The following INTS11 variants were observed in gnomAD, a reference collection of about 807,000 sequenced individuals.
INTS11 encodes integrator complex subunit 11.
In INTS11, 77 loss-of-function variants were observed where a neutral mutation model predicts 78.6. The observed-to-expected ratio is 0.98, with a 90% CI of 0.81 to 1.18. The LOEUF is 1.18. INTS11 is among the 50% of genes most tolerant of loss of function. INTS11 has a pLI of 0.00. For missense variants in INTS11, 875 were observed against 825.9 expected (o/e 1.06, Z -0.73); for synonymous variants, 441 against 326.9 (o/e 1.35, Z -3.77).
At position 1,312,635 on chromosome 1, in the gene INTS11, C is replaced by T. The variant is rs759048878; in HGVS notation, c.1360G>A (p.Val454Ile). 19 of 1,590,116 alleles carry T rather than the reference C, an allele frequency of 1.2e-5. No homozygotes were observed. Among genetic ancestry groups the T allele is most frequent in the Non-Finnish European group, 1.6e-5 (19 of 1,164,524 alleles). ...TTCAGCAGCCCCAGCGAGATGCCTA[C>T]GGGGATGCTGGGGCTTGTGGGCAGC... ...VTLPTSPSIPVGISLGLLKRE... is the reference protein window; with the variant it reads ...VTLPTSPSIPIGISLGLLKRE... The change falls in exon 13 of 17, where the codon GTA (valine) becomes ATA (isoleucine). Residue 454 changes from valine to isoleucine, a missense_variant. Coordinates refer to ENST00000435064, the MANE Select transcript of INTS11 (RefSeq NM_017871.6).
rs1642528266 is a variant in INTS11 at position 1,315,566 on chromosome 1, G to A, written c.482C>T (p.Ala161Val). The A allele has an allele frequency of 6.2e-7, 1 of 1,612,366 alleles. No individual in the cohort carries two copies. Among genetic ancestry groups the A allele is most frequent in the Non-Finnish European group, 8.5e-7 (1 of 1,179,796 alleles). The change falls in exon 5 of 17, where the codon GCA becomes GTA. Residue 161 changes from alanine to valine, a missense_variant. Physicochemically the swap from Ala to Val is moderately conservative, Grantham distance 64. Coordinates refer to ENST00000435064, the MANE Select transcript of INTS11 (RefSeq NM_017871.6). Reference protein sequence around the residue: ...KAYYAGHVLGAAMFQIKVGSE... With the variant: ...KAYYAGHVLGVAMFQIKVGSE... Reference sequence around the variant, plus strand: ...GCCCACTTTAATCTGGAACATGGCTGCCCCCAGCACGTGGCCTGCATAGTA... The same window carrying A: ...GCCCACTTTAATCTGGAACATGGCTACCCCCAGCACGTGGCCTGCATAGTA...
intron 4 of INTS11, chr1:1,317,541 A>G (rs1203141627): frequency 1.4e-6 from 1 of 714,746 alleles, no homozygotes; most frequent in Admixed American, 6.3e-5. Context: ...GAGTTTCAAG[A>G]GGTTGAACGT....
At position 1,314,175 on chromosome 1, in the gene INTS11, G is replaced by A. The variant is rs764368145; in HGVS notation, c.767+126C>T. ...TCCTGGGGTCACACAGCACACGAGC[G>A]GCCCCCCAGGACAGCAGCAAGCAGG... is the stretch of plus-strand genomic sequence containing the variant. On this transcript the variant is annotated intron_variant, in intron 8 of 16. Transcript: ENST00000435064. The surrounding 1 kb of genome is among the most constrained non-coding windows in gnomAD (Gnocchi z 4.2). 63 of 939,896 alleles carry A rather than the reference G, an allele frequency of 6.7e-5. No individual in the cohort carries two copies. Among genetic ancestry groups the A allele is most frequent in the South Asian group, 6.2e-4 (44 of 70,556 alleles). 58.2% of individuals were successfully genotyped at this position (939,896 alleles called of 1,614,324 possible). A position where few individuals can be genotyped will look rare whatever the true frequency, so the allele number is the denominator to read the frequency against.
At chr1:1,322,943 G>A in intron 1 of INTS11, 2 of 1,351,764 alleles carry the variant, frequency 1.5e-6, no homozygotes, top group South Asian at 1.9e-5. Context: ...GCGGGTAATT[G>A]AAGCCACATG....
chr1:1,318,582 C>T (rs1187233388), intron 4 of INTS11: 5 of 295,978 alleles, frequency 1.7e-5, no homozygotes, highest in East Asian at 1.2e-4. Context: ...CACCTCAACC[C>T]GGGAGGCCGA....
rs1311251120 is a variant in INTS11, at chr1:1,322,849, G to C, written c.28+1732C>G. 3 of 1,118,866 alleles carry C rather than the reference G, an allele frequency of 2.7e-6. No homozygotes were observed. In the East Asian group the frequency reaches 1.7e-4, roughly 64 times the overall value. 69.3% of individuals were successfully genotyped at this position (1,118,866 alleles called of 1,614,324 possible). On this transcript the variant is annotated intron_variant, in intron 1 of 16. Coordinates refer to ENST00000435064, the MANE Select transcript of INTS11 (RefSeq NM_017871.6). ...GGACACGGAGCCCGAGGCAGTCCCT[G>C]GTGCAGGGAAGCGGTGAAACAGGAC...
intron 1 of INTS11, among the ~76,000 whole-genome samples, chr1:1,323,611 A>T (rs1321100923): frequency 1.3e-5 from 2 of 149,044 alleles, no homozygotes; most frequent in African/African-American, 5.0e-5. Flanking sequence ...GGGTCTTGCC[A>T]TGTTGGCTAG....
chr1:1,311,922 G>T lies in INTS11; in HGVS notation c.1740C>A (p.Asp580Glu). The change falls in exon 17 of 17, where the codon GAC (aspartate) becomes GAA (glutamate). Residue 580 changes from aspartate (D) to glutamate (E), a missense_variant and splice_region_variant. Coordinates refer to ENST00000435064, the MANE Select transcript of INTS11 (RefSeq NM_017871.6). The stretch of plus-strand genomic sequence containing the variant: ...ATGTGAGGAAGCTCCCCAGCTCCTC[G>T]TCCTAGGGCAGAGGCAAAAGCATTG... Reference protein sequence around the residue: ...KVLLVSWTYQDEELGSFLTSL... With the variant: ...KVLLVSWTYQEEELGSFLTSL... 1 of 1,578,234 alleles carries T rather than the reference G, an allele frequency of 6.3e-7. No individual in the cohort carries two copies. Among genetic ancestry groups the T allele is most frequent in the Non-Finnish European group, 8.6e-7 (1 of 1,160,430 alleles).
intron 6 of INTS11, 100 bp downstream of exon 6, chr1:1,315,304 A>G (rs1362454018): frequency 3.3e-5 from 47 of 1,421,724 alleles, no homozygotes; most frequent in East Asian, 9.2e-5. Flanking sequence ...CATGGGAGAC[A>G]CTGCCAGGCT....
chr1:1,320,456 C>T lies in INTS11; in HGVS notation c.200G>A (p.Ser67Asn), dbSNP rs759493353. The change falls in exon 3 of 17, where the codon AGC becomes AAC. Residue 67 changes from serine (S) to asparagine (N), a missense_variant and splice_region_variant. Physicochemically the swap from Ser to Asn is conservative, Grantham distance 46. Coordinates refer to ENST00000435064, the MANE Select transcript of INTS11 (RefSeq NM_017871.6). Reference sequence around the variant, plus strand: ...CTCAAGGCCCCCAACAGGAACCCACCTAATGATCACACAGTCCAGGAAGTC... The same window carrying T: ...CTCAAGGCCCCCAACAGGAACCCACTTAATGATCACACAGTCCAGGAAGTC... ...LTDFLDCVII[S>N]HFHLDHCGAL... The T allele has an allele frequency of 1.2e-6, 2 of 1,613,776 alleles. No individual in the cohort carries two copies. Among genetic ancestry groups the T allele is most frequent in the South Asian group, 1.1e-5 (1 of 91,078 alleles).
rs1642522241 is a variant in INTS11 at position 1,315,458 on chromosome 1, G to A, written c.529-20C>T. On this transcript the variant is annotated intron_variant, in intron 5 of 16. Transcript: ENST00000435064. ...ATCACCCTGGTGAACGATCAAGGAT[G>A]CCATGAGGAGGGTGCCTCCCACCCC... 1.2e-6 allele frequency: 2 copies of A among 1,612,980 alleles called. No individual in the cohort carries two copies. The highest frequency in any genetic ancestry group is 1.7e-6 in the Non-Finnish European group (2 of 1,179,898).
chr1:1,319,647 C>T (rs538111292), intron 3 of INTS11, 123 bp from the exon 4 acceptor site: 32 of 653,210 alleles, frequency 4.9e-5, no homozygotes, highest in East Asian at 4.1e-4. Flanking sequence ...TCCCGAGTAC[C>T]GAAGAGTCAG....
chr1:1,317,349 C>T (rs1203182609), intron 4 of INTS11: 2 of 344,030 alleles, frequency 5.8e-6, no homozygotes, highest in Non-Finnish European at 4.1e-6. Flanking sequence ...GAGCTGAGAT[C>T]GCACCACTGC....
chr1:1,317,395 CA>C (rs1285640332), intron 4 of INTS11: 3,175 of 706,190 alleles, frequency 4.5e-3, no homozygotes, highest in Middle Eastern at 5.8e-3. Flanking sequence ...AACTCCATCT[CA>C]AAAAAAAAAG....
rs1206193750 is a variant in INTS11 at position 1,311,872 on chromosome 1, T to A, written c.1790A>T (p.Gln597Leu). Residue 597 changes from glutamine to leucine, a missense_variant, in exon 17 of 17, where the codon CAG (glutamine) becomes CTG (leucine). Physicochemically the swap from Gln to Leu is moderately radical, Grantham distance 113 (BLOSUM62 -2). Coordinates refer to ENST00000435064, the MANE Select transcript of INTS11 (RefSeq NM_017871.6). Reference sequence around the variant, plus strand: ...GAGTTGCCGGCCTCAGCTGGGGGCCTGGGGGAGGCCCTTCTTCAGCAGAGA... The same window carrying A: ...GAGTTGCCGGCCTCAGCTGGGGGCCAGGGGGAGGCCCTTCTTCAGCAGAGA... ...LTSLLKKGLP[Q>L]APS 1 of 1,560,838 alleles carries A rather than the reference T, an allele frequency of 6.4e-7. No individual in the cohort carries two copies. Among genetic ancestry groups the A allele is most frequent in the African/African-American group, 1.4e-5 (1 of 73,124 alleles).
Position 1,311,710 on chromosome 1 carries a change from C to G in INTS11, c.*149G>C. ...TTGTTTCTTCAGCTGCAAACAGCTG[C>G]CTGGGCAGGCAGGTGACACAAGGCC... On this transcript the variant is annotated 3_prime_UTR_variant, in exon 17 of 17. Coordinates refer to ENST00000435064, the MANE Select transcript of INTS11 (RefSeq NM_017871.6). 1.2e-6 allele frequency: 1 copy of G among 826,126 alleles called. No individual in the cohort carries two copies. Among genetic ancestry groups the G allele is most frequent in the South Asian group, 1.6e-5 (1 of 61,762 alleles). The allele number at this position is 826,126 out of a possible 1,614,324, so 51.2% of individuals were successfully genotyped here. A position where few individuals can be genotyped will look rare whatever the true frequency, so the allele number is the denominator to read the frequency against.
Position 1,312,321 on chromosome 1 carries a change from C to T in INTS11, c.1512G>A (p.Leu504=). 3 of 1,554,110 alleles carry T rather than the reference C, an allele frequency of 1.9e-6. No individual in the cohort carries two copies. Among genetic ancestry groups the T allele is most frequent in the Non-Finnish European group, 2.6e-6 (3 of 1,148,870 alleles). Residue 504 remains leucine (L), a synonymous_variant, in exon 15 of 17, where the codon CTG becomes CTA. Transcript: ENST00000435064. ...SSEQALKELG[L]AEHQLRFTCR... ...AGGTGAAGCGCAGCTGGTGCTCAGC[C>T]AGACCCAGCTCTTTGAGGGCTTGCT...
chr1:1,314,780 C>G lies in INTS11; in HGVS notation c.702+44G>C. ...AGCCAAGCCTGCCAGAAAGACCAGCCCAGCATGGCCGAGGGCCCATGTCCC... is the reference window on the plus strand; with the variant it reads ...AGCCAAGCCTGCCAGAAAGACCAGCGCAGCATGGCCGAGGGCCCATGTCCC... On this transcript the variant is annotated intron_variant, in intron 7 of 16. Coordinates refer to ENST00000435064, the MANE Select transcript of INTS11 (RefSeq NM_017871.6). The surrounding 1 kb of genome is among the most constrained non-coding windows in gnomAD (Gnocchi z 4.2). 4 of 1,585,680 alleles carry G rather than the reference C, an allele frequency of 2.5e-6. No individual in the cohort carries two copies. Among genetic ancestry groups the G allele is most frequent in the African/African-American group, 2.7e-5 (2 of 74,704 alleles).
chr1:1,312,207 G>GGGGT lies in INTS11; in HGVS notation c.1607+18_1607+19insACCC. 1 of 1,151,086 alleles carries GGGGT rather than the reference G, an allele frequency of 8.7e-7. No individual in the cohort carries two copies. The highest frequency in any genetic ancestry group is 1.2e-6 in the Non-Finnish European group (1 of 820,454). 71.3% of individuals were successfully genotyped at this position (1,151,086 alleles called of 1,614,324 possible). On this transcript the variant is annotated intron_variant, in intron 15 of 16. Transcript: ENST00000435064. ...CCAGGGCCCAAGGGAGTGGGGGGGG[G>GGGGT]GCGGGGCCGGGCGCCCACCTCTTGA...
Sources: allele counts gnomAD v4.1 joint callset (sites outside exome capture counted in the v4.1 genomes callset), GRCh38; gene constraint gnomAD v4.1.1; non-coding constraint Gnocchi (gnomAD v3.1); transcripts MANE v1.5; gene names NCBI Gene and HGNC (gene_info 2026-07-23, HGNC 2026-07-21).